MYO16: variants seen among roughly 807,000 people sequenced by gnomAD.
MYO16 encodes the protein unconventional myosin-XVI.
In MYO16, 94 loss-of-function variants were observed where a neutral mutation model predicts 205.3. That is an observed-to-expected ratio of 0.46 (90% confidence interval 0.39 to 0.54). MYO16 has a LOEUF of 0.54. Ranked by LOEUF, MYO16 falls within the 20% of genes least tolerant of loss-of-function variation. MYO16 has a pLI of 0.00. For synonymous variants in MYO16, 988 were observed against 954.0 expected (o/e 1.04, Z -0.66); for missense variants, 2,315 against 2,387.5 (o/e 0.97, Z 0.63).
At chr13:108,781,878 C>T (rs1215338120) in intron 4 of MYO16, among the ~76,000 whole-genome samples, 1 of 152,164 alleles carries the variant, frequency 6.6e-6, no homozygotes, top group African/African-American at 2.4e-5. Context: ...CTTACCACTG[C>T]CATGTAAGAA....
intron 27 of MYO16, among the ~76,000 whole-genome samples, chr13:109,096,822 G>A (rs560224516): frequency 2.0e-5 from 3 of 152,312 alleles, no homozygotes; most frequent in South Asian, 2.1e-4. Flanking sequence ...CCGGAGAAAC[G>A]CAAACAGGCA....
intron 15 of MYO16, among the ~76,000 whole-genome samples, chr13:108,907,809 A>G (rs571285800): frequency 6.6e-6 from 1 of 152,290 alleles, no homozygotes; most frequent in East Asian, 1.9e-4. Context: ...TTAGTTTTGA[A>G]TACTGCTTCA....
chr13:108,954,480 C>A (rs9805672), intron 16 of MYO16, among the ~76,000 whole-genome samples: 15,048 of 152,164 alleles, frequency 0.099, 903 homozygotes, highest in Middle Eastern at 0.23. Flanking sequence ...GTGGCTCACA[C>A]CTGTAATTCC....
intron 5 of MYO16, among the ~76,000 whole-genome samples, chr13:108,790,012 G>A (rs72652114): frequency 0.02 from 3,096 of 152,120 alleles, 54 homozygotes; most frequent in Non-Finnish European, 0.028. Context: ...TGAGGGGCTG[G>A]GTTACCCTAG....
intron 27 of MYO16, among the ~76,000 whole-genome samples, chr13:109,100,093 T>C (rs947078827): frequency 6.6e-6 from 1 of 152,238 alleles, no homozygotes; most frequent in Non-Finnish European, 1.5e-5. Flanking sequence ...ACCTTGCCTG[T>C]ATCTCAGGTT....
rs768133978 is a variant in MYO16, at chr13:108,866,143, G to A, written c.1360-34G>A. On this transcript the variant is annotated intron_variant, in intron 11 of 34. Coordinates refer to ENST00000457511, the MANE Select transcript of MYO16 (RefSeq NM_001198950.3). Reference sequence around the variant, plus strand: ...TATTGTTTAAAGATGCTATTTATATGACTCATGAACTGTTTGCATCCCTTT... The same window carrying A: ...TATTGTTTAAAGATGCTATTTATATAACTCATGAACTGTTTGCATCCCTTT... 1.2e-4 allele frequency: 163 copies of A among 1,393,420 alleles called. 2 individuals carry two copies. The Admixed American group carries it at 3.2e-3, about 28-fold the overall frequency. The allele number at this position is 1,393,420 out of a possible 1,614,324, so 86.3% of individuals were successfully genotyped here.
chr13:108,909,421 T>A (rs1794647930), intron 15 of MYO16, among the ~76,000 whole-genome samples: 1 of 152,178 alleles, frequency 6.6e-6, no homozygotes. Flanking sequence ...AGACACCTCA[T>A]CTACCTCATC....
intron 32 of MYO16, among the ~76,000 whole-genome samples, chr13:109,145,520 C>T (rs955214283): frequency 7.9e-5 from 12 of 152,170 alleles, no homozygotes; most frequent in African/African-American, 2.9e-4. Context: ...TTCTGGGATA[C>T]AGTGTCTAGG....
the MYO16 span, among the ~76,000 whole-genome samples, chr13:108,540,514 G>T: frequency 1.3e-5 from 2 of 152,050 alleles, no homozygotes; most frequent in Admixed American, 1.3e-4. Flanking sequence ...AACTGATATT[G>T]CCTTTTCACA....
rs375424876 is a variant in MYO16 at position 109,139,901 on chromosome 13, T to C, written c.4052-363T>C. The stretch of plus-strand genomic sequence containing the variant: ...GTCTGGCTATTTATTTTACTTTTGT[T>C]TCTTTTTAACTTTTTGCTTTCTCCT... On this transcript the variant is annotated intron_variant, in intron 31 of 34. Transcript: ENST00000457511. 1.2e-4 allele frequency among the ~76,000 whole-genome samples: 19 copies of C among 152,204 alleles called. No individual in the cohort carries two copies. In the East Asian group the frequency reaches 3.3e-3, roughly 26 times the overall value.
At chr13:109,155,367 C>A (rs556245827) in intron 32 of MYO16, among the ~76,000 whole-genome samples, 1 of 152,026 alleles carries the variant, frequency 6.6e-6, no homozygotes, top group African/African-American at 2.4e-5. Flanking sequence ...AGAGGAATTT[C>A]GATCTACTCC....
At chr13:108,834,489 G>A (rs536342307) in intron 9 of MYO16, among the ~76,000 whole-genome samples, 10 of 152,264 alleles carry the variant, frequency 6.6e-5, no homozygotes, top group Admixed American at 1.3e-4. Context: ...CAAGAAAAGG[G>A]AGTTCAGAGG....
intron 12 of MYO16, 125 bp from the exon 13 acceptor site, chr13:108,882,934 A>C (rs952667126): frequency 3.0e-6 from 4 of 1,323,786 alleles, no homozygotes; most frequent in Admixed American, 2.3e-5. Context: ...TTACATACCA[A>C]TGAGATTCAG....
chr13:108,971,349 T>TTATATATATATATATATATA (rs60564701), intron 20 of MYO16, among the ~76,000 whole-genome samples: 2 of 144,272 alleles, frequency 1.4e-5, no homozygotes, highest in African/African-American at 5.1e-5. Context: ...TGTGTGTTGA[T>TTATATATATATATATATATA]TATATATATA....
chr13:109,040,036 A>G (rs1359406456), intron 23 of MYO16, among the ~76,000 whole-genome samples: 1 of 152,142 alleles, frequency 6.6e-6, no homozygotes, highest in African/African-American at 2.4e-5. Flanking sequence ...ATACAAAGGG[A>G]ATATTACAAA....
chr13:108,821,969 G>A (rs1381873343), intron 8 of MYO16, among the ~76,000 whole-genome samples: 4 of 152,106 alleles, frequency 2.6e-5, no homozygotes, highest in African/African-American at 9.7e-5. Context: ...AAAACGCAAA[G>A]AGTTATAATG....
At chr13:108,836,614 A>G (rs1219722153) in intron 9 of MYO16, among the ~76,000 whole-genome samples, 1 of 152,196 alleles carries the variant, frequency 6.6e-6, no homozygotes, top group African/African-American at 2.4e-5. Context: ...GGCCATACCC[A>G]GCAAAACCAC....
chr13:109,053,263 T>C (rs1245641680), intron 25 of MYO16, among the ~76,000 whole-genome samples: 1 of 152,112 alleles, frequency 6.6e-6, no homozygotes, highest in Non-Finnish European at 1.5e-5. Context: ...AATAAAAGCA[T>C]AATTAAATTC....
intron 4 of MYO16, among the ~76,000 whole-genome samples, chr13:108,748,698 T>C (rs995463307): frequency 1.3e-5 from 2 of 152,086 alleles, no homozygotes; most frequent in Admixed American, 1.3e-4. Flanking sequence ...CCAGTGATCA[T>C]TGATGAAGAA....
Sources: gnomAD v4.1 joint callset for allele counts (sites outside exome capture counted in the v4.1 genomes callset) on GRCh38, gnomAD v4.1.1 for gene constraint, MANE v1.5 for transcripts, NCBI Gene and HGNC (gene_info 2026-07-23, HGNC 2026-07-21) for gene names.